MYRIP: variants seen among roughly 807,000 people sequenced by gnomAD.
The protein encoded by MYRIP is rab effector MyRIP.
In MYRIP, 49 loss-of-function variants were observed where a neutral mutation model predicts 98.0. The observed-to-expected ratio is 0.50, with a 90% CI of 0.40 to 0.63. MYRIP has a LOEUF of 0.63. Among genes scored for constraint, MYRIP ranks in the 30% least tolerant of loss-of-function variants. The pLI is 0.00. For synonymous variants in MYRIP, 404 were observed against 409.5 expected, an observed-to-expected ratio of 0.99 and a Z score of 0.16; for missense variants, 1,004 against 1,058.2, an observed-to-expected ratio of 0.95 and a Z score of 0.71.
intron 1 of MYRIP, among the ~76,000 whole-genome samples, chr3:39,833,332 CA>C (rs1282129662): frequency 1.3e-5 from 2 of 151,908 alleles, no homozygotes; most frequent in Non-Finnish European, 2.9e-5. Context: ...TTCTAATAAT[CA>C]AAAGGAAAAA....
chr3:40,218,247 G>A (rs11129869), intron 11 of MYRIP, among the ~76,000 whole-genome samples: 48,552 of 151,670 alleles, frequency 0.32, 8,517 homozygotes, highest in East Asian at 0.57. Flanking sequence ...TCACCAGCTG[G>A]TGAACGAGTA....
At chr3:40,253,729 G>A (rs1480802761) in intron 16 of MYRIP, among the ~76,000 whole-genome samples, 3 of 152,212 alleles carry the variant, frequency 2.0e-5, no homozygotes, top group Non-Finnish European at 4.4e-5. Context: ...TGTTGGATCA[G>A]GACATCCTAA....
At chr3:40,163,083 G>T in intron 5 of MYRIP, 1 of 317,928 alleles carries the variant, frequency 3.1e-6, no homozygotes. Flanking sequence ...TTCTGGAGTT[G>T]GAACATATCA....
intron 8 of MYRIP, among the ~76,000 whole-genome samples, chr3:40,171,911 A>G (rs1490564794): frequency 2.0e-5 from 3 of 152,256 alleles, no homozygotes; most frequent in Non-Finnish European, 4.4e-5. Context: ...AGGCCACACA[A>G]TCATGGTGGA....
At chr3:39,951,482 C>T (rs556132283) in intron 2 of MYRIP, among the ~76,000 whole-genome samples, 1 of 151,990 alleles carries the variant, frequency 6.6e-6, no homozygotes, top group South Asian at 2.1e-4. Flanking sequence ...TAGTAAATAC[C>T]ATAGACATTG....
chr3:40,097,473 A>C (rs1188685136), intron 3 of MYRIP, among the ~76,000 whole-genome samples: 1 of 152,184 alleles, frequency 6.6e-6, no homozygotes, highest in Non-Finnish European at 1.5e-5. Flanking sequence ...GGTAGGAAAA[A>C]AAAAAGTCCC....
At chr3:39,921,298 T>G (rs1271837117) in intron 2 of MYRIP, among the ~76,000 whole-genome samples, 1 of 152,226 alleles carries the variant, frequency 6.6e-6, no homozygotes, top group Non-Finnish European at 1.5e-5. Flanking sequence ...TGGTGAACTC[T>G]TCCTGTTTCC....
At chr3:39,853,579 C>T (rs1256087500) in intron 1 of MYRIP, among the ~76,000 whole-genome samples, 2 of 152,078 alleles carry the variant, frequency 1.3e-5, no homozygotes, top group Non-Finnish European at 2.9e-5. Flanking sequence ...TATTCATGTC[C>T]TTAGCCCACT....
At chr3:40,146,791 C>A (rs1364932966) in intron 3 of MYRIP, among the ~76,000 whole-genome samples, 1 of 152,060 alleles carries the variant, frequency 6.6e-6, no homozygotes, top group Non-Finnish European at 1.5e-5. Flanking sequence ...ACACACACAC[C>A]CCACCACAAG....
chr3:40,138,224 G>A (rs934000695), intron 3 of MYRIP, among the ~76,000 whole-genome samples: 2 of 152,198 alleles, frequency 1.3e-5, no homozygotes, highest in Non-Finnish European at 2.9e-5. Flanking sequence ...ATGCACAGAG[G>A]TCATGCAGGA....
chr3:40,027,957 G>A (rs976485766), intron 2 of MYRIP, among the ~76,000 whole-genome samples: 1 of 152,068 alleles, frequency 6.6e-6, no homozygotes, highest in Admixed American at 6.5e-5. Flanking sequence ...GTCACCCTAG[G>A]GGGTCAGGGC....
chr3:40,205,218 A>G (rs1300047128), intron 10 of MYRIP, among the ~76,000 whole-genome samples: 1 of 152,144 alleles, frequency 6.6e-6, no homozygotes, highest in Non-Finnish European at 1.5e-5. Flanking sequence ...GGATTTCAAT[A>G]GAAGGAGAAG....
intron 3 of MYRIP, among the ~76,000 whole-genome samples, chr3:40,115,481 A>C (rs1949251836): frequency 6.6e-6 from 1 of 152,052 alleles, no homozygotes; most frequent in Non-Finnish European, 1.5e-5. Context: ...TCTCATGAGA[A>C]CTCACTCACT....
intron 2 of MYRIP, among the ~76,000 whole-genome samples, chr3:39,928,534 ACAAT>A (rs954216616): frequency 3.9e-5 from 6 of 151,946 alleles, no homozygotes; most frequent in Non-Finnish European, 7.4e-5. Context: ...TTTTAAAAAA[ACAAT>A]CAATGTAATT....
At chr3:40,073,619 G>A (rs1948276163) in intron 3 of MYRIP, among the ~76,000 whole-genome samples, 1 of 152,208 alleles carries the variant, frequency 6.6e-6, no homozygotes, top group Non-Finnish European at 1.5e-5. Flanking sequence ...TGTATTTATT[G>A]CCTCTGCGTA....
intron 1 of MYRIP, among the ~76,000 whole-genome samples, chr3:39,856,319 TG>T (rs150420446): frequency 0.04 from 6,070 of 152,302 alleles, 296 homozygotes; most frequent in East Asian, 0.13. Context: ...TTCATACATG[TG>T]GGAGCTGCAC....
intron 2 of MYRIP, among the ~76,000 whole-genome samples, chr3:39,947,274 TG>T (rs1944924027): frequency 6.6e-6 from 1 of 151,556 alleles, no homozygotes; most frequent in East Asian, 1.9e-4. Flanking sequence ...AAAGAAAACT[TG>T]GGGTAATAAA....
intron 2 of MYRIP, among the ~76,000 whole-genome samples, chr3:40,014,958 C>T (rs2125799927): frequency 6.6e-6 from 1 of 152,314 alleles, no homozygotes; most frequent in Middle Eastern, 3.4e-3. Context: ...CCTGGTCTTT[C>T]ACACTCATCT....
intron 3 of MYRIP, among the ~76,000 whole-genome samples, chr3:40,044,779 C>T (rs191082644): frequency 2.0e-5 from 3 of 152,202 alleles, no homozygotes; most frequent in Admixed American, 2.0e-4. Flanking sequence ...GAGACTGGCC[C>T]TAGGGCTTGG....
Sources: allele counts gnomAD v4.1 joint callset (sites outside exome capture counted in the v4.1 genomes callset), GRCh38; gene constraint gnomAD v4.1.1; transcripts MANE v1.5; gene names NCBI Gene and HGNC (gene_info 2026-07-23, HGNC 2026-07-21).